FBXL7: variants seen among roughly 807,000 people sequenced by gnomAD.
The protein encoded by FBXL7 is F-box/LRR-repeat protein 7.
Under a neutral mutation model 38.3 loss-of-function variants are expected in FBXL7, and 12 were observed. That is an observed-to-expected ratio of 0.31 (90% CI 0.20 to 0.51). The LOEUF (loss-of-function observed/expected upper bound fraction) is 0.51, where lower values mean the gene tolerates loss of function less well. FBXL7 is among the 20% of genes least tolerant of loss of function. The pLI is 0.98. For synonymous variants in FBXL7, 297 were observed against 300.9 expected, an observed-to-expected ratio of 0.99 and a Z score of 0.13; for missense variants, 567 against 676.4, an observed-to-expected ratio of 0.84 and a Z score of 1.79.
chr5:15,843,661 A>G (rs1016183233), intron 2 of FBXL7, among the ~76,000 whole-genome samples: 3 of 152,156 alleles, frequency 2.0e-5, no homozygotes, highest in Admixed American at 1.3e-4. Context: ...TAAAATTTCT[A>G]AGAATTTGAG....
At chr5:15,650,498 T>G (rs2126569144) in intron 2 of FBXL7, among the ~76,000 whole-genome samples, 1 of 152,336 alleles carries the variant, frequency 6.6e-6, no homozygotes, top group South Asian at 2.1e-4. Context: ...TGGCAATTTC[T>G]TAGAATAAGA....
intron 1 of FBXL7, among the ~76,000 whole-genome samples, chr5:15,610,434 CTT>C (rs1740193917): frequency 6.6e-6 from 1 of 152,162 alleles, no homozygotes; most frequent in Non-Finnish European, 1.5e-5. Flanking sequence ...CATTCTCACT[CTT>C]GATTTTCTAA....
intron 2 of FBXL7, among the ~76,000 whole-genome samples, chr5:15,844,002 T>TG (rs1208240610): frequency 6.6e-6 from 1 of 152,080 alleles, no homozygotes; most frequent in Non-Finnish European, 1.5e-5. Context: ...GAAGTGCCTT[T>TG]TTTTTAAGTT....
chr5:15,642,089 C>G (rs1407615693), intron 2 of FBXL7, among the ~76,000 whole-genome samples: 2 of 151,730 alleles, frequency 1.3e-5, no homozygotes, highest in East Asian at 3.9e-4. Context: ...AACATAATGC[C>G]CAACACATGA....
chr5:15,846,163 A>G (rs555615625), intron 2 of FBXL7, among the ~76,000 whole-genome samples: 1 of 152,340 alleles, frequency 6.6e-6, no homozygotes, highest in South Asian at 2.1e-4. Flanking sequence ...GGGTATCACA[A>G]TGAATGAATC....
At chr5:15,551,251 C>T (rs980008982) in intron 1 of FBXL7, among the ~76,000 whole-genome samples, 4 of 152,162 alleles carry the variant, frequency 2.6e-5, no homozygotes, top group African/African-American at 9.7e-5. Context: ...TTTCTCAGAA[C>T]GTGTACTTGA....
At chr5:15,806,125 C>T (rs1737706052) in intron 2 of FBXL7, among the ~76,000 whole-genome samples, 2 of 152,138 alleles carry the variant, frequency 1.3e-5, no homozygotes, top group African/African-American at 4.8e-5. Flanking sequence ...ATGACTTAAA[C>T]TACACATGGA....
intron 3 of FBXL7, among the ~76,000 whole-genome samples, chr5:15,934,305 G>A (rs373184957): frequency 1.3e-5 from 2 of 151,996 alleles, no homozygotes; most frequent in East Asian, 1.9e-4. Context: ...ACACCCAGTC[G>A]GTTTTTGCCA....
chr5:15,564,728 G>A (rs529838575), intron 1 of FBXL7, among the ~76,000 whole-genome samples: 5 of 152,032 alleles, frequency 3.3e-5, no homozygotes, highest in East Asian at 1.9e-4. Context: ...TTTCAGGAAG[G>A]TTTCCGACAC....
chr5:15,544,489 G>T (rs1384421631), intron 1 of FBXL7, among the ~76,000 whole-genome samples: 1 of 152,084 alleles, frequency 6.6e-6, no homozygotes, highest in Non-Finnish European at 1.5e-5. Flanking sequence ...GTTTGATTTT[G>T]CAGTTGCTCT....
chr5:15,610,402 A>G (rs1740192732), intron 1 of FBXL7, among the ~76,000 whole-genome samples: 1 of 152,118 alleles, frequency 6.6e-6, no homozygotes, highest in South Asian at 2.1e-4. Context: ...TTCCGTATGT[A>G]CAACTCCAGG....
intron 1 of FBXL7, among the ~76,000 whole-genome samples, chr5:15,582,761 C>T (rs994377371): frequency 3.9e-5 from 6 of 152,214 alleles, no homozygotes; most frequent in Admixed American, 2.6e-4. Context: ...CCCTTCATTT[C>T]CATACTACTA....
intron 1 of FBXL7, among the ~76,000 whole-genome samples, chr5:15,503,731 C>T (rs929885300): frequency 6.6e-6 from 1 of 152,122 alleles, no homozygotes; most frequent in African/African-American, 2.4e-5. Context: ...AAATTTAATT[C>T]GGCTGAAGTT....
At chr5:15,923,841 C>A (rs1488326813) in intron 2 of FBXL7, among the ~76,000 whole-genome samples, 1 of 152,034 alleles carries the variant, frequency 6.6e-6, no homozygotes, top group African/African-American at 2.4e-5. Context: ...AAATCCACTT[C>A]ACCCTCCCCC....
intron 2 of FBXL7, among the ~76,000 whole-genome samples, chr5:15,616,700 G>T (rs1049215419): frequency 6.6e-6 from 1 of 152,166 alleles, no homozygotes; most frequent in Non-Finnish European, 1.5e-5. Flanking sequence ...CTACTTACTT[G>T]TTTGAGTGTG....
At chr5:15,531,236 T>G (rs1737421258) in intron 1 of FBXL7, among the ~76,000 whole-genome samples, 1 of 152,112 alleles carries the variant, frequency 6.6e-6, no homozygotes, top group African/African-American at 2.4e-5. Flanking sequence ...TGGAAGACAA[T>G]AGATTAAAAT....
chr5:15,921,302 G>A (rs1044557926), intron 2 of FBXL7, among the ~76,000 whole-genome samples: 2 of 150,102 alleles, frequency 1.3e-5, no homozygotes, highest in Non-Finnish European at 1.5e-5. Context: ...AATCACTTCA[G>A]CTGGGAAGGT....
At chr5:15,808,609 A>G (rs960573516) in intron 2 of FBXL7, among the ~76,000 whole-genome samples, 1 of 152,226 alleles carries the variant, frequency 6.6e-6, no homozygotes, top group Admixed American at 6.5e-5. Flanking sequence ...CCAAACACAT[A>G]AAGATCACAT....
At chr5:15,509,242 G>T (rs1037499832) in intron 1 of FBXL7, among the ~76,000 whole-genome samples, 7 of 152,018 alleles carry the variant, frequency 4.6e-5, no homozygotes, top group African/African-American at 1.4e-4. Flanking sequence ...AATCAGTGTT[G>T]GTGGAACTTC....
Sources: allele counts gnomAD v4.1 joint callset (sites outside exome capture counted in the v4.1 genomes callset), GRCh38; gene constraint gnomAD v4.1.1; transcripts MANE v1.5; gene names NCBI Gene and HGNC (gene_info 2026-07-23, HGNC 2026-07-21).